The following ACAD9 variants were observed in gnomAD, a reference collection of about 807,000 sequenced individuals.
ACAD9 encodes the protein complex I assembly factor ACAD9, mitochondrial.
ACAD9 carries 53 observed loss-of-function variants against 70.2 expected under a neutral mutation model. That is an observed-to-expected ratio of 0.75 (90% CI 0.61 to 0.95). The LOEUF is 0.95. Among genes scored for constraint, ACAD9 ranks in the 40% least tolerant of loss-of-function variants. ACAD9 has a pLI of 0.00. For synonymous variants in ACAD9, 313 were observed against 312.1 expected (o/e 1.00, Z -0.03); for missense variants, 777 against 802.8 (o/e 0.97, Z 0.39).
intron 1 of ACAD9, among the ~76,000 whole-genome samples, chr3:128,884,400 A>C (rs1014394825): frequency 1.3e-5 from 2 of 152,120 alleles, no homozygotes; most frequent in African/African-American, 2.4e-5. Flanking sequence ...CCTTGTACTG[A>C]GAAGGAAAAC....
In ACAD9 at chr3:128,908,088, G is replaced by A; in HGVS notation, c.1279-97G>A. On this transcript the variant is annotated intron_variant, in intron 12 of 17. Coordinates refer to ENST00000308982, the MANE Select transcript of ACAD9 (RefSeq NM_014049.5). ...AGGAGCAGTGGCTTTTGTGGCAATG[G>A]GCAAGCAGGCAGTGGCCGGCTCTAC... is the stretch of plus-strand genomic sequence containing the variant. 3.4e-6 allele frequency: 4 copies of A among 1,177,530 alleles called. No individual in the cohort carries two copies. The South Asian group carries it at 4.9e-5, about 14-fold the overall frequency. The allele number at this position is 1,177,530 out of a possible 1,614,324, so 72.9% of individuals were successfully genotyped here. A position where few individuals can be genotyped will look rare whatever the true frequency, so the allele number is the denominator to read the frequency against.
At chr3:128,883,292 G>A (rs13323787) in intron 1 of ACAD9, among the ~76,000 whole-genome samples, 7 of 151,722 alleles carry the variant, frequency 4.6e-5, no homozygotes, top group African/African-American at 7.3e-5. Context: ...ATCCCCCTGC[G>A]TCAGCTTCCC....
chr3:128,881,641 A>G (rs1935097757), intron 1 of ACAD9, among the ~76,000 whole-genome samples: 1 of 152,040 alleles, frequency 6.6e-6, no homozygotes, highest in Admixed American at 6.5e-5. Context: ...TCTGTTATCA[A>G]ATTGTGTGAT....
chr3:128,909,958 G>T, intron 15 of ACAD9, 63 bp from the exon 16 acceptor site: 17 of 1,598,864 alleles, frequency 1.1e-5, no homozygotes, highest in Non-Finnish European at 1.4e-5. Flanking sequence ...GCAGCCCAGG[G>T]AGGGACCATG....
At position 128,901,253 on chromosome 3, in the gene ACAD9, A is replaced by ATCTT. The variant is rs750972581; in HGVS notation, c.809-22_809-19dup. On this transcript the variant is annotated intron_variant, in intron 7 of 17. Coordinates refer to ENST00000308982, the MANE Select transcript of ACAD9 (RefSeq NM_014049.5). ...AGAGTGGTTTGCATTGTCAGATGATATCTTAAATTTCATGTGTTTCAGCTT... is the reference window on the plus strand; with the variant it reads ...AGAGTGGTTTGCATTGTCAGATGATATCTTTCTTAAATTTCATGTGTTTCAGCTT... 46 of 1,611,888 alleles carry ATCTT rather than the reference A, an allele frequency of 2.9e-5. 2 individuals carry two copies. The South Asian group carries it at 4.4e-4, about 15-fold the overall frequency.
intron 13 of ACAD9, 140 bp from the exon 14 acceptor site, chr3:128,908,833 G>C: frequency 7.4e-7 from 1 of 1,358,686 alleles, no homozygotes; most frequent in Admixed American, 1.9e-5. Flanking sequence ...GGGTTTGGGG[G>C]GGTTCAGGCT....
At chr3:128,890,705 A>C (rs1935396049) in intron 2 of ACAD9, among the ~76,000 whole-genome samples, 2 of 152,158 alleles carry the variant, frequency 1.3e-5, no homozygotes, top group Non-Finnish European at 1.5e-5. Flanking sequence ...CCATCTCAAA[A>C]GAAACTGTAT....
rs1453342048 is a variant in ACAD9 at position 128,887,643 on chromosome 3, A to AT, written c.244+2897_244+2898insT. 3.7e-4 allele frequency among the ~76,000 whole-genome samples: 35 copies of AT among 95,698 alleles called. 1 individual carries two copies. Among genetic ancestry groups the AT allele is most frequent in the Middle Eastern group, 4.9e-3 (1 of 206 alleles). The allele number at this position is 95,698 out of a possible 152,430, so 62.8% of individuals were successfully genotyped here. A position where few individuals can be genotyped will look rare whatever the true frequency, so the allele number is the denominator to read the frequency against. The stretch of plus-strand genomic sequence containing the variant: ...TAAAAATAAAAATAAAAAAATAAAT[A>AT]AATATATATATATATATATATATAT... On this transcript the variant is annotated intron_variant, in intron 2 of 17. Transcript: ENST00000308982.
intron 5 of ACAD9, 63 bp downstream of exon 5, chr3:128,896,599 C>A: frequency 6.5e-7 from 1 of 1,544,684 alleles, no homozygotes; most frequent in Non-Finnish European, 8.9e-7. Flanking sequence ...TTCACTGGGG[C>A]AAGGGGCTGT....
intron 1 of ACAD9, 56 bp from the exon 2 acceptor site, chr3:128,884,596 TC>T: frequency 7.8e-6 from 10 of 1,288,586 alleles, no homozygotes; most frequent in Non-Finnish European, 1.1e-5. Context: ...AACTGATATT[TC>T]CGTGATGGGA....
chr3:128,909,676 A>C, intron 15 of ACAD9: 1 of 603,606 alleles, frequency 1.7e-6, no homozygotes, highest in South Asian at 2.0e-5. Flanking sequence ...GGCTCCCTAG[A>C]ATCGGGAGGG....
intron 1 of ACAD9, among the ~76,000 whole-genome samples, chr3:128,881,644 T>C (rs1244803944): frequency 6.6e-6 from 1 of 152,224 alleles, no homozygotes; most frequent in Non-Finnish European, 1.5e-5. Context: ...GTTATCAAAT[T>C]GTGTGATCTG....
intron 13 of ACAD9, chr3:128,908,697 G>A (rs1935989461): frequency 1.8e-6 from 1 of 564,658 alleles, no homozygotes; most frequent in East Asian, 3.1e-5. Context: ...CCAAGTACAG[G>A]TTGCTAGTAG....
chr3:128,911,110 G>A (rs2107667671), intron 17 of ACAD9, among the ~76,000 whole-genome samples: 1 of 152,358 alleles, frequency 6.6e-6, no homozygotes, highest in Non-Finnish European at 1.5e-5. Flanking sequence ...AAGCTGGAGT[G>A]TAATGGCGCA....
rs772911833 is a variant in ACAD9 at position 128,902,534 on chromosome 3, C to T, written c.883-19C>T. 5 of 1,613,976 alleles carry T rather than the reference C, an allele frequency of 3.1e-6. No homozygotes were observed. Among genetic ancestry groups the T allele is most frequent in the African/African-American group, 1.3e-5 (1 of 74,934 alleles). ...CTGCCTCCTTCAGGGCCCCTGGGCT[C>T]TCCCTGTTCTCCCTGCAGGTGGCCA... On this transcript the variant is annotated intron_variant, in intron 8 of 17. Coordinates refer to ENST00000308982, the MANE Select transcript of ACAD9 (RefSeq NM_014049.5). This position sits in a 1 kb window ranked among gnomAD's most constrained non-coding sequence, Gnocchi z 4.0.
chr3:128,899,047 T>C (rs551843717), intron 6 of ACAD9, among the ~76,000 whole-genome samples: 61 of 152,358 alleles, frequency 4.0e-4, no homozygotes, highest in Middle Eastern at 3.4e-3. Context: ...TTGGGTGTTC[T>C]TTCCCCCGCC....
chr3:128,908,264 A>G lies in ACAD9; in HGVS notation c.1358A>G (p.His453Arg), dbSNP rs779963563. 1 of 1,614,158 alleles carries G rather than the reference A, an allele frequency of 6.2e-7. No individual in the cohort carries two copies. The highest frequency in any genetic ancestry group is 8.5e-7 in the Non-Finnish European group (1 of 1,180,008). Residue 453 changes from histidine (H) to arginine (R), a missense_variant and splice_region_variant, in exon 13 of 18, where the codon CAT becomes CGT. His to Arg is a conservative substitution (Grantham distance 29). Coordinates refer to ENST00000308982, the MANE Select transcript of ACAD9 (RefSeq NM_014049.5). Reference sequence around the variant, plus strand: ...GGCCGCATCCTGACTACCAGGATCCAGTAGGTGCCATTGTCACCGTGTGCT... The same window carrying G: ...GGCCGCATCCTGACTACCAGGATCCGGTAGGTGCCATTGTCACCGTGTGCT... ...HAGRILTTRI[H>R]ELKQAKVSTV...
chr3:128,903,248 C>T (rs1260075280), intron 9 of ACAD9, among the ~76,000 whole-genome samples: 1 of 152,246 alleles, frequency 6.6e-6, no homozygotes, highest in Non-Finnish European at 1.5e-5. Context: ...CTTTATGAAG[C>T]TCCTCTTTGG....
In ACAD9 at chr3:128,897,703, G is replaced by T. The variant is rs757405291; in HGVS notation, c.626G>T (p.Gly209Val). ...GACAAGAAGCACTACATCCTCAATG[G>T]CTCCAAGGTAGGGTTCCTTCCCCAT... ...SEDKKHYILN[G>V]SKVWITNGGL... The change falls in exon 6 of 18, where the codon GGC becomes GTC. Residue 209 changes from glycine (G) to valine (V), a missense_variant. Coordinates refer to ENST00000308982, the MANE Select transcript of ACAD9 (RefSeq NM_014049.5). The T allele has an allele frequency of 1.9e-5, 31 of 1,613,224 alleles. No individual in the cohort carries two copies. The highest frequency in any genetic ancestry group is 2.6e-5 in the Non-Finnish European group (31 of 1,179,682).
Sources: allele counts gnomAD v4.1 joint callset (sites outside exome capture counted in the v4.1 genomes callset), GRCh38; gene constraint gnomAD v4.1.1; non-coding constraint Gnocchi (gnomAD v3.1); transcripts MANE v1.5; gene names NCBI Gene and HGNC (gene_info 2026-07-23, HGNC 2026-07-21).